Variants in ACTN2 observed in about 807,000 individuals in gnomAD.
ACTN2 encodes the protein alpha-actinin-2.
In ACTN2, 39 loss-of-function variants were observed where a neutral mutation model predicts 113.8. That is an observed-to-expected ratio of 0.34 (90% confidence interval 0.27 to 0.45). The LOEUF (loss-of-function observed/expected upper bound fraction) is 0.45. Among genes scored for constraint, ACTN2 ranks in the 20% least tolerant of loss-of-function variants. The probability of loss-of-function intolerance (pLI) is 1.00; values close to 1 mark genes in which losing one functional copy is unlikely to be tolerated. For missense variants in ACTN2, 992 were observed against 1,177.9 expected (o/e 0.84, Z 2.31); for synonymous variants, 429 against 444.1 (o/e 0.97, Z 0.43).
intron 6 of ACTN2, among the ~76,000 whole-genome samples, chr1:236,729,769 A>G (rs1416259135): frequency 6.6e-6 from 1 of 152,224 alleles, no homozygotes; most frequent in East Asian, 1.9e-4. Context: ...GACAGGGTAC[A>G]GTTCTTTTCA....
chr1:236,751,846 G>T (rs1034781815), intron 15 of ACTN2, among the ~76,000 whole-genome samples, 194 bp downstream of exon 15: 1 of 152,128 alleles, frequency 6.6e-6, no homozygotes. Flanking sequence ...GCAGTTTGTG[G>T]GGAAAGAAAG....
rs372117497 is a variant in ACTN2, at chr1:236,754,975, C to G, written c.1975-44C>G. The G allele has an allele frequency of 7.4e-5, 120 of 1,613,454 alleles. No homozygotes were observed. In the African/African-American group the frequency reaches 1.3e-3, roughly 18 times the overall value. The stretch of plus-strand genomic sequence containing the variant: ...TCGTGCCGAGCTCCCTTAGAGGGCA[C>G]TTCACTCTGCTTCTCTCTCTGCTTG... On this transcript the variant is annotated intron_variant, in intron 16 of 20. Coordinates refer to ENST00000366578, the MANE Select transcript of ACTN2 (RefSeq NM_001103.4). The surrounding 1 kb of genome is among the most constrained non-coding windows in gnomAD (Gnocchi z 4.9).
In ACTN2 at chr1:236,713,570, C is replaced by A. The variant is rs555225562; in HGVS notation, c.127-4288C>A. ...ATCCTATGATTTGTGTTAAAGGGAC[C>A]AAAGGGAAAAAAAAGACGTGTGTCT... On this transcript the variant is annotated intron_variant, in intron 1 of 20. Transcript: ENST00000366578. Among the ~76,000 whole-genome samples, 169 of 143,190 alleles carry A rather than the reference C, an allele frequency of 1.2e-3. 1 individual carries two copies. Among genetic ancestry groups the A allele is most frequent in the African/African-American group, 3.8e-3 (138 of 35,950 alleles). The allele number at this position is 143,190 out of a possible 152,430, so 93.9% of individuals were successfully genotyped here. A position where few individuals can be genotyped will look rare whatever the true frequency, so the allele number is the denominator to read the frequency against.
At chr1:236,751,344 ATG>A in intron 14 of ACTN2, 124 bp from the exon 15 acceptor site, 1 of 1,176,132 alleles carries the variant, frequency 8.5e-7, no homozygotes, top group Non-Finnish European at 1.2e-6. Context: ...AGCATTCAGA[ATG>A]TGTTTTTCTC....
At position 236,730,092 on chromosome 1, in the gene ACTN2, A is replaced by G. The variant is rs554043895; in HGVS notation, c.616-1141A>G. ...GTAAAGTAGGTACTATTATTATCCC[A>G]GTTTTACAGATGAAGAAAGTGGGAA... On this transcript the variant is annotated intron_variant, in intron 6 of 20. Coordinates refer to ENST00000366578, the MANE Select transcript of ACTN2 (RefSeq NM_001103.4). Among the ~76,000 whole-genome samples, 5 of 152,358 alleles carry G rather than the reference A, an allele frequency of 3.3e-5. No individual in the cohort carries two copies. In the East Asian group the frequency reaches 9.6e-4, roughly 29 times the overall value.
chr1:236,754,701 A>G lies in ACTN2; in HGVS notation c.1975-318A>G, dbSNP rs116518554. Among the ~76,000 whole-genome samples the G allele has an allele frequency of 0.026, 3,960 of 152,322 alleles. 174 individuals carry two copies. The highest frequency in any genetic ancestry group is 0.09 in the African/African-American group (3,738 of 41,558). ...GCCCACCCCCAGCCTCCTCCAGAGCAGGGTAGCTCTGCCCGAGGGCGTTTC... is the reference window on the plus strand; with the variant it reads ...GCCCACCCCCAGCCTCCTCCAGAGCGGGGTAGCTCTGCCCGAGGGCGTTTC... On this transcript the variant is annotated intron_variant, in intron 16 of 20. Coordinates refer to ENST00000366578, the MANE Select transcript of ACTN2 (RefSeq NM_001103.4). The surrounding 1 kb of genome is among the most constrained non-coding windows in gnomAD (Gnocchi z 4.9).
chr1:236,744,582 TG>T (rs1445351951), intron 11 of ACTN2, 43 bp from the exon 12 acceptor site: 1 of 1,610,868 alleles, frequency 6.2e-7, no homozygotes, highest in African/African-American at 1.3e-5. Flanking sequence ...AGGAAGCCGC[TG>T]TGCCCTCAGC....
intron 12 of ACTN2, among the ~76,000 whole-genome samples, chr1:236,746,837 A>G (rs1659252652): frequency 6.6e-6 from 1 of 152,240 alleles, no homozygotes; most frequent in Non-Finnish European, 1.5e-5. Context: ...CTCTAGTGGC[A>G]TTAGATGAGT....
chr1:236,762,164 A>G (rs910858375), intron 20 of ACTN2, among the ~76,000 whole-genome samples: 2 of 152,148 alleles, frequency 1.3e-5, no homozygotes, highest in Non-Finnish European at 2.9e-5. Context: ...TTCTGGTATG[A>G]AATGCAGATC....
intron 20 of ACTN2, 82 bp downstream of exon 20, chr1:236,761,255 A>G: frequency 6.5e-7 from 1 of 1,543,834 alleles, no homozygotes. Flanking sequence ...GTTGTAAATA[A>G]AAACCATTTT....
At chr1:236,709,366 G>A (rs542638998) in intron 1 of ACTN2, among the ~76,000 whole-genome samples, 1 of 135,680 alleles carries the variant, frequency 7.4e-6, no homozygotes, top group East Asian at 2.1e-4. Context: ...ATACGTGTGT[G>A]TGTATATATA....
rs748823703 is a variant in ACTN2, at chr1:236,727,796, G to A, written c.615+40G>A. On this transcript the variant is annotated intron_variant, in intron 6 of 20. Coordinates refer to ENST00000366578, the MANE Select transcript of ACTN2 (RefSeq NM_001103.4). ...CCTGGCATGCAGTGTCCCCAGCCAC[G>A]CGTCTCAGCATGTCCTGCAAATGAG... The A allele has an allele frequency of 1.2e-5, 19 of 1,592,788 alleles. No homozygotes were observed. In the Middle Eastern group the frequency reaches 5.0e-4, roughly 42 times the overall value.
intron 18 of ACTN2, among the ~76,000 whole-genome samples, chr1:236,758,646 T>C (rs1659620206): frequency 6.7e-6 from 1 of 148,170 alleles, no homozygotes; most frequent in Admixed American, 6.8e-5. Context: ...TGAGATGGAG[T>C]TGTGCTTTTG....
At chr1:236,760,115 G>C (rs1352448656) in intron 19 of ACTN2, among the ~76,000 whole-genome samples, 1 of 151,998 alleles carries the variant, frequency 6.6e-6, no homozygotes, top group Non-Finnish European at 1.5e-5. Context: ...CTGTGGTGGC[G>C]GGCACCTGTA....
intron 1 of ACTN2, among the ~76,000 whole-genome samples, chr1:236,709,181 T>C (rs1657922056): frequency 7.0e-6 from 1 of 143,072 alleles, no homozygotes; most frequent in South Asian, 2.2e-4. Flanking sequence ...CTCAATAATC[T>C]TTTGAACTAT....
chr1:236,751,414 CT>C (rs1019703084), intron 14 of ACTN2, 55 bp from the exon 15 acceptor site: 3 of 1,599,498 alleles, frequency 1.9e-6, no homozygotes, highest in Non-Finnish European at 1.7e-6. Context: ...ATATCAAAGC[CT>C]TTGAAATTAA....
At position 236,728,890 on chromosome 1, in the gene ACTN2, A is replaced by G. The variant is rs1039235095; in HGVS notation, c.615+1134A>G. On this transcript the variant is annotated intron_variant, in intron 6 of 20. Transcript: ENST00000366578. ...GCCTGGGCCACAGGGTGACACACCAACTCCCAAACAAAAACGTAGTTACAA... is the reference window on the plus strand; with the variant it reads ...GCCTGGGCCACAGGGTGACACACCAGCTCCCAAACAAAAACGTAGTTACAA... Among the ~76,000 whole-genome samples the G allele has an allele frequency of 5.3e-5, 8 of 150,198 alleles. No individual in the cohort carries two copies. In the East Asian group the frequency reaches 1.2e-3, roughly 23 times the overall value.
chr1:236,724,409 G>A (rs558028760), intron 4 of ACTN2, among the ~76,000 whole-genome samples: 1 of 152,360 alleles, frequency 6.6e-6, no homozygotes, highest in Non-Finnish European at 1.5e-5. Flanking sequence ...CAGAAGTGCA[G>A]GAGATTTTTT....
chr1:236,692,325 T>C (rs1449118552), intron 1 of ACTN2, among the ~76,000 whole-genome samples: 1 of 152,204 alleles, frequency 6.6e-6, no homozygotes, highest in African/African-American at 2.4e-5. Flanking sequence ...GTCAAGACAG[T>C]GGTATTGACA....
Sources: allele counts gnomAD v4.1 joint callset (sites outside exome capture counted in the v4.1 genomes callset), GRCh38; gene constraint gnomAD v4.1.1; non-coding constraint Gnocchi (gnomAD v3.1); transcripts MANE v1.5; gene names NCBI Gene and HGNC (gene_info 2026-07-23, HGNC 2026-07-21).